The following THBS2 variants were observed in gnomAD, a reference collection of about 807,000 sequenced individuals.
THBS2 encodes thrombospondin 2.
A neutral mutation model predicts 135.2 loss-of-function variants in THBS2; 47 were observed. That is an observed-to-expected ratio of 0.35 (90% CI 0.28 to 0.44). The LOEUF (loss-of-function observed/expected upper bound fraction) is 0.44, where lower values mean the gene tolerates loss of function less well. Among genes scored for constraint, THBS2 ranks in the 20% least tolerant of loss-of-function variants. The pLI, the probability that THBS2 is intolerant of heterozygous loss-of-function variation, is 1.00. For synonymous variants in THBS2, 639 were observed against 633.8 expected (o/e 1.01, Z -0.12); for missense variants, 1,288 against 1,603.1 (o/e 0.80, Z 3.36).
intron 7 of THBS2, chr6:169,239,253 C>T: frequency 6.1e-6 from 2 of 327,674 alleles, no homozygotes; most frequent in South Asian, 1.1e-4. Context: ...CACTTGCTGC[C>T]ATAACACAGT....
chr6:169,245,791 CAA>C lies in THBS2; in HGVS notation c.694+404_694+405del, dbSNP rs77953553. On this transcript the variant is annotated intron_variant, in intron 4 of 21. Coordinates refer to ENST00000617924, the MANE Select transcript of THBS2 (RefSeq NM_003247.5). ...TGGGTGACAGAGTGAGACTCTGGCT[CAA>C]AAAAAAAAAAAAAAAAGAAAACTTC... Among the ~76,000 whole-genome samples, 202 of 84,906 alleles carry C rather than the reference CAA, an allele frequency of 2.4e-3. 1 individual carries two copies. The highest frequency in any genetic ancestry group is 8.1e-3 in the African/African-American group (169 of 20,888). The allele number at this position is 84,906 out of a possible 152,430, so 55.7% of individuals were successfully genotyped here.
At position 169,249,614 on chromosome 6, in the gene THBS2, T is replaced by C. The variant is rs768732784; in HGVS notation, c.53-641A>G. Among the ~76,000 whole-genome samples the C allele has an allele frequency of 4.5e-4, 69 of 152,254 alleles. 1 individual carries two copies. Among genetic ancestry groups the C allele is most frequent in the Admixed American group, 3.4e-3 (52 of 15,290 alleles). ...TAAAAATGTATTCTCCAACTCTTAA[T>C]GCACCCTGTGGGTAAGGATCTGAAA... On this transcript the variant is annotated intron_variant, in intron 2 of 21. Coordinates refer to ENST00000617924, the MANE Select transcript of THBS2 (RefSeq NM_003247.5).
chr6:169,250,641 C>G, intron 2 of THBS2, 92 bp downstream of exon 2: 3 of 1,211,854 alleles, frequency 2.5e-6, no homozygotes, highest in Non-Finnish European at 3.5e-6. Flanking sequence ...GTAAGATTGT[C>G]CAACCACACA....
At chr6:169,221,193 T>C (rs1371596110) in intron 20 of THBS2, among the ~76,000 whole-genome samples, 2 of 152,188 alleles carry the variant, frequency 1.3e-5, no homozygotes, top group Non-Finnish European at 1.5e-5. Context: ...TAGGAGAAAA[T>C]ATGGTTATCA....
intron 2 of THBS2, 103 bp from the exon 3 acceptor site, chr6:169,249,076 G>C: frequency 1.8e-6 from 2 of 1,136,932 alleles, no homozygotes; most frequent in Non-Finnish European, 2.5e-6. Flanking sequence ...GGAAATTAAC[G>C]AGGCCTCCCA....
intron 19 of THBS2, among the ~76,000 whole-genome samples, chr6:169,221,898 T>G (rs1312582504): frequency 1.3e-5 from 2 of 152,206 alleles, no homozygotes; most frequent in Admixed American, 1.3e-4. Context: ...AAAATATTTT[T>G]TTCATATTAT....
At chr6:169,237,589 C>T (rs1372314540) in intron 8 of THBS2, 36 bp downstream of exon 8, 1 of 1,609,220 alleles carries the variant, frequency 6.2e-7, no homozygotes, top group East Asian at 2.2e-5. Context: ...GGCCCCACCC[C>T]CACAGGCACG....
Position 169,234,715 on chromosome 6 carries a change from G to T in THBS2, c.1651+19C>A, listed in dbSNP as rs189271773. 1.3e-6 allele frequency: 2 copies of T among 1,513,010 alleles called. No homozygotes were observed. The highest frequency in any genetic ancestry group is 1.8e-6 in the Non-Finnish European group (2 of 1,123,772). The allele number at this position is 1,513,010 out of a possible 1,614,324, so 93.7% of individuals were successfully genotyped here. A position where few individuals can be genotyped will look rare whatever the true frequency, so the allele number is the denominator to read the frequency against. ...TGGAAGCCCGGGTTTCAGTGCCCCCGCTTCTACCCCTCACTCACCCACGGG... is the reference window on the plus strand; with the variant it reads ...TGGAAGCCCGGGTTTCAGTGCCCCCTCTTCTACCCCTCACTCACCCACGGG... On this transcript the variant is annotated intron_variant, in intron 10 of 21. Coordinates refer to ENST00000617924, the MANE Select transcript of THBS2 (RefSeq NM_003247.5).
rs1780302650 is a variant in THBS2 at position 169,241,662 on chromosome 6, A to G, written c.891+100T>C. 3 of 1,246,338 alleles carry G rather than the reference A, an allele frequency of 2.4e-6. No homozygotes were observed. Among genetic ancestry groups the G allele is most frequent in the East Asian group, 2.4e-5 (1 of 42,466 alleles). The allele number at this position is 1,246,338 out of a possible 1,614,324, so 77.2% of individuals were successfully genotyped here. Reference sequence around the variant, plus strand: ...ACTGTGGGTTTTTACATCGAGCATGAGGCACTGCCAAGCCAGGGAATGTTG... The same window carrying G: ...ACTGTGGGTTTTTACATCGAGCATGGGGCACTGCCAAGCCAGGGAATGTTG... On this transcript the variant is annotated intron_variant, in intron 5 of 21. Coordinates refer to ENST00000617924, the MANE Select transcript of THBS2 (RefSeq NM_003247.5). The surrounding 1 kb of genome is among the most constrained non-coding windows in gnomAD (Gnocchi z 5.5).
intron 3 of THBS2, among the ~76,000 whole-genome samples, chr6:169,246,713 G>A (rs1780566659): frequency 6.6e-6 from 1 of 152,190 alleles, no homozygotes; most frequent in African/African-American, 2.4e-5. Context: ...CCCTGGGCCT[G>A]CAGGAGCGCC....
Position 169,226,027 on chromosome 6 carries a change from G to C in THBS2, c.2538+153C>G, listed in dbSNP as rs189168503. On this transcript the variant is annotated intron_variant, in intron 16 of 21. Transcript: ENST00000617924. ...CTCCCAAGGCCCCATGGAGGGGACT[G>C]ATGAGGACCTGAGACCCGCCTGCCC... 1.1e-4 allele frequency among the ~76,000 whole-genome samples: 16 copies of C among 152,304 alleles called. No individual in the cohort carries two copies. The East Asian group carries it at 2.9e-3, about 28-fold the overall frequency.
At chr6:169,218,429 ATGAG>A (rs1329415995) in intron 21 of THBS2, among the ~76,000 whole-genome samples, 2 of 110,010 alleles carry the variant, frequency 1.8e-5, no homozygotes, top group Admixed American at 1.0e-4. Context: ...GATGAGATGG[ATGAG>A]TGGGTGGGTG....
In THBS2 at chr6:169,246,169, T is replaced by C. The variant is rs375031992; in HGVS notation, c.694+28A>G. The C allele has an allele frequency of 2.5e-6, 4 of 1,589,806 alleles. No individual in the cohort carries two copies. In the African/African-American group the frequency reaches 4.0e-5, roughly 16 times the overall value. Reference sequence around the variant, plus strand: ...ATAGAAATCCATCCAAGCCAGTATATAAAATGCATTTTTCACAACACACCT... The same window carrying C: ...ATAGAAATCCATCCAAGCCAGTATACAAAATGCATTTTTCACAACACACCT... On this transcript the variant is annotated intron_variant, in intron 4 of 21. Transcript: ENST00000617924.
chr6:169,247,382 G>C (rs898838100), intron 3 of THBS2, among the ~76,000 whole-genome samples: 9 of 151,998 alleles, frequency 5.9e-5, no homozygotes, highest in Non-Finnish European at 1.2e-4. Flanking sequence ...CATGTGTGAT[G>C]GATGTATGTG....
rs1303480656 is a variant in THBS2 at position 169,241,823 on chromosome 6, A to C, written c.830T>G (p.Val277Gly). 6.2e-7 allele frequency: 1 copy of C among 1,612,770 alleles called. No homozygotes were observed. Among genetic ancestry groups the C allele is most frequent in the Non-Finnish European group, 8.5e-7 (1 of 1,179,924 alleles). Residue 277 changes from valine to glycine, a missense_variant, in exon 5 of 22, where the codon GTC becomes GGC. This residue lies in a region of THBS2 where 414 missense variants were observed against 447.0 expected (regional missense o/e 0.93). Transcript: ENST00000617924. The surrounding 1 kb of genome is among the most constrained non-coding windows in gnomAD (Gnocchi z 5.5). Reference protein sequence around the residue: ...ERSCEELGNMVQELSGLHVLV... With the variant: ...ERSCEELGNMGQELSGLHVLV... ...GACGTGGAGCCCCGAGAGCTCCTGGACCATGTTTCCCAGCTCCTCGCACGA... is the reference window on the plus strand; with the variant it reads ...GACGTGGAGCCCCGAGAGCTCCTGGCCCATGTTTCCCAGCTCCTCGCACGA...
rs758968205 is a variant in THBS2, at chr6:169,225,332, C to T, written c.2586G>A (p.Glu862=). Residue 862 remains glutamate, a synonymous_variant, in exon 17 of 22, where the codon GAG becomes GAA. Coordinates refer to ENST00000617924, the MANE Select transcript of THBS2 (RefSeq NM_003247.5). The stretch of plus-strand genomic sequence containing the variant: ...TCTGGTGGCCGTCGTCATCTATGTC[C>T]TCGTTGTTGTCACACTGGTCCCCAA... The part of the protein sequence containing the change: ...DLVGDQCDNN[E]DIDDDGHQNN... The T allele has an allele frequency of 3.2e-6, 5 of 1,567,624 alleles. No individual in the cohort carries two copies. Among genetic ancestry groups the T allele is most frequent in the East Asian group, 4.7e-5 (2 of 42,164 alleles).
Position 169,226,279 on chromosome 6 carries a change from G to A in THBS2, c.2439C>T (p.Asp813=). The A allele has an allele frequency of 6.2e-7, 1 of 1,613,988 alleles. No homozygotes were observed. The highest frequency in any genetic ancestry group is 8.5e-7 in the Non-Finnish European group (1 of 1,179,882). ...IDGDDVFNER[D]NCPYVYNTDQ... ...CAGTGTTGTAGACGTAGGGACAATT[G>A]TCTCGTTCATTGAAGACATCTGTAA... Residue 813 remains aspartate (D), a synonymous_variant, in exon 16 of 22, where the codon GAC becomes GAT. Transcript: ENST00000617924.
chr6:169,252,932 A>G lies in THBS2; in HGVS notation c.-23+792T>C, dbSNP rs1780802753. 6.6e-6 allele frequency among the ~76,000 whole-genome samples: 1 copy of G among 152,196 alleles called. No individual in the cohort carries two copies. The highest frequency in any genetic ancestry group is 2.1e-4 in the South Asian group (1 of 4,832). On this transcript the variant is annotated intron_variant, in intron 1 of 21. Transcript: ENST00000617924. This position sits in a 1 kb window ranked among gnomAD's most constrained non-coding sequence, Gnocchi z 4.3. ...TGTTTACCGGCCGTCCACCACCAAC[A>G]GCAGTCTGATTAAACACCAGACTCC... is the stretch of plus-strand genomic sequence containing the variant.
intron 7 of THBS2, 97 bp downstream of exon 7, chr6:169,239,502 T>C: frequency 8.5e-7 from 1 of 1,183,194 alleles, no homozygotes. Flanking sequence ...GGGCTGAACC[T>C]CACTCTTCTC....
Sources: gnomAD v4.1 joint callset for allele counts (sites outside exome capture counted in the v4.1 genomes callset) on GRCh38, gnomAD v4.1.1 for gene constraint, gnomAD v4.1.1 regional missense constraint, Gnocchi (gnomAD v3.1) non-coding constraint, MANE v1.5 for transcripts, NCBI Gene and HGNC (gene_info 2026-07-23, HGNC 2026-07-21) for gene names.